DPF3: variants seen among roughly 807,000 people sequenced by gnomAD.
DPF3 encodes the protein zinc finger protein DPF3.
DPF3 carries 18 observed loss-of-function variants against 56.8 expected under a neutral mutation model. The observed-to-expected ratio is 0.32, with a 90% confidence interval of 0.22 to 0.47. The LOEUF (loss-of-function observed/expected upper bound fraction) is 0.47, where lower values mean the gene tolerates loss of function less well. Among genes scored for constraint, DPF3 ranks in the 20% least tolerant of loss-of-function variants. The pLI, the probability that DPF3 is intolerant of heterozygous loss-of-function variation, is 1.00. For synonymous variants in DPF3, 188 were observed against 180.2 expected (o/e 1.04, Z -0.35); for missense variants, 403 against 488.8 (o/e 0.82, Z 1.65).
At chr14:72,832,269 G>C (rs1007215791) in intron 1 of DPF3, among the ~76,000 whole-genome samples, 25 of 151,896 alleles carry the variant, frequency 1.6e-4, no homozygotes, top group Non-Finnish European at 1.2e-4. Flanking sequence ...GAAAGATAAA[G>C]CACTAACTAG....
At chr14:72,890,939 G>T (rs1008077784) in intron 1 of DPF3, among the ~76,000 whole-genome samples, 2 of 152,150 alleles carry the variant, frequency 1.3e-5, no homozygotes, top group Admixed American at 1.3e-4. Context: ...AGAGAGGAAG[G>T]GGGTGAAGGG....
chr14:72,711,997 A>C (rs578159019), intron 6 of DPF3, among the ~76,000 whole-genome samples: 1 of 152,250 alleles, frequency 6.6e-6, no homozygotes, highest in East Asian at 1.9e-4. Flanking sequence ...GAAGGGCACC[A>C]GATAAAAATA....
chr14:72,740,277 G>A (rs1045147431), intron 3 of DPF3, among the ~76,000 whole-genome samples: 3 of 152,340 alleles, frequency 2.0e-5, no homozygotes, highest in Middle Eastern at 6.8e-3. Context: ...CAAGCCGCTG[G>A]AGGTGTTGAG....
chr14:72,778,255 G>A (rs1367639538), intron 1 of DPF3, among the ~76,000 whole-genome samples: 1 of 152,198 alleles, frequency 6.6e-6, no homozygotes, highest in East Asian at 1.9e-4. Context: ...CACAGCAGGA[G>A]GTGAGCTGTG....
At chr14:72,831,618 T>A (rs764363857) in intron 1 of DPF3, among the ~76,000 whole-genome samples, 1 of 152,180 alleles carries the variant, frequency 6.6e-6, no homozygotes, top group African/African-American at 2.4e-5. Flanking sequence ...TTGTTCAGGA[T>A]CATCCAAGTA....
chr14:72,885,800 C>T (rs538725018), intron 1 of DPF3, among the ~76,000 whole-genome samples: 1 of 152,238 alleles, frequency 6.6e-6, no homozygotes, highest in African/African-American at 2.4e-5. Flanking sequence ...TGAAACAACC[C>T]AAATGCCCAT....
At position 72,723,625 on chromosome 14, in the gene DPF3, C is replaced by G; in HGVS notation, c.525+8G>C. On this transcript the variant is annotated splice_region_variant and intron_variant, in intron 5 of 10. Coordinates refer to ENST00000556509, the MANE Select transcript of DPF3 (RefSeq NM_001280542.3). ...TCTCTTTCCTCGCTCATGTCATCCC[C>G]AACTTACCCGTCCTCTAGTCCTGTT... The G allele has an allele frequency of 6.4e-7, 1 of 1,561,434 alleles. No individual in the cohort carries two copies. The highest frequency in any genetic ancestry group is 1.2e-5 in the South Asian group (1 of 81,218).
intron 1 of DPF3, among the ~76,000 whole-genome samples, chr14:72,808,598 G>A (rs530201660): frequency 3.3e-5 from 5 of 152,222 alleles, no homozygotes; most frequent in East Asian, 3.9e-4. Context: ...AAAATAGTTC[G>A]CCATTTACTC....
intron 7 of DPF3, among the ~76,000 whole-genome samples, chr14:72,684,716 C>T (rs922569165): frequency 2.0e-5 from 3 of 152,000 alleles, no homozygotes; most frequent in Non-Finnish European, 2.9e-5. Flanking sequence ...CCCAAACAGC[C>T]TAAGTTAGTA....
chr14:72,868,756 C>T (rs1002669643), intron 1 of DPF3, among the ~76,000 whole-genome samples: 3 of 152,166 alleles, frequency 2.0e-5, no homozygotes, highest in African/African-American at 7.2e-5. Flanking sequence ...GGGAAAGCAC[C>T]ATCATCAAAG....
Position 72,693,141 on chromosome 14 carries a change from T to A in DPF3, c.677A>T (p.Glu226Val), listed in dbSNP as rs1318429711. The change falls in exon 7 of 11, where the codon GAG becomes GTG. Residue 226 changes from glutamate (E) to valine (V), a missense_variant. Physicochemically the swap from Glu to Val is moderately radical, Grantham distance 121 (BLOSUM62 -2). Coordinates refer to ENST00000556509, the MANE Select transcript of DPF3 (RefSeq NM_001280542.3). ...HYAHTHLASE[E>V]GDEAQDQETR... ...CTCCTGGTCTTGAGCTTCATCCCCC[T>A]CCTCGCTGGCCAGGTGAGTGTGAGC... The A allele has an allele frequency of 6.2e-7, 1 of 1,613,930 alleles. No individual in the cohort carries two copies. Among genetic ancestry groups the A allele is most frequent in the East Asian group, 2.2e-5 (1 of 44,884 alleles).
chr14:72,742,698 T>C (rs1890175882), intron 3 of DPF3: 1 of 152,210 alleles, frequency 6.6e-6, no homozygotes, highest in South Asian at 2.1e-4. Flanking sequence ...AGAGAGCAAA[T>C]GGTGGAGAAG....
intron 1 of DPF3, among the ~76,000 whole-genome samples, chr14:72,799,589 A>C (rs1157299015): frequency 6.6e-6 from 1 of 152,102 alleles, no homozygotes; most frequent in Non-Finnish European, 1.5e-5. Flanking sequence ...CCAGTGAGCC[A>C]CGATTGCACC....
intron 1 of DPF3, among the ~76,000 whole-genome samples, chr14:72,792,968 G>A (rs998452162): frequency 1.3e-5 from 2 of 151,856 alleles, no homozygotes; most frequent in Non-Finnish European, 2.9e-5. Context: ...AGAACTGGGT[G>A]TTATCTTAAA....
intron 1 of DPF3, among the ~76,000 whole-genome samples, chr14:72,811,509 T>C (rs1883043957): frequency 1.3e-5 from 2 of 152,144 alleles, no homozygotes; most frequent in South Asian, 4.1e-4. Context: ...CAGACTATGA[T>C]AAAATAAATT....
At position 72,616,915 on chromosome 14, in the gene DPF3, T is replaced by C. The variant is rs1375459819; in HGVS notation, c.*2382A>G. ...CCACAAGCTGGCTTGCTATCCCCGCTTTCCAGATGGGGAAACTGAGGCCTC... is the reference window on the plus strand; with the variant it reads ...CCACAAGCTGGCTTGCTATCCCCGCCTTCCAGATGGGGAAACTGAGGCCTC... On this transcript the variant is annotated 3_prime_UTR_variant, in exon 11 of 11. Coordinates refer to ENST00000556509, the MANE Select transcript of DPF3 (RefSeq NM_001280542.3). Among the ~76,000 whole-genome samples the C allele has an allele frequency of 6.6e-6, 1 of 152,168 alleles. No homozygotes were observed. The highest frequency in any genetic ancestry group is 6.5e-5 in the Admixed American group (1 of 15,278).
intron 7 of DPF3, among the ~76,000 whole-genome samples, chr14:72,676,276 A>G (rs1000264526): frequency 2.0e-5 from 3 of 152,208 alleles, no homozygotes; most frequent in African/African-American, 7.2e-5. Context: ...GAAGGCAATC[A>G]GAGAATCCCA....
At chr14:72,672,060 GACACAC>G (rs369762823) in intron 8 of DPF3, among the ~76,000 whole-genome samples, 7,479 of 132,678 alleles carry the variant, frequency 0.056, 200 homozygotes, top group Non-Finnish European at 0.061. Context: ...CACACACACA[GACACAC>G]ACACACACAC....
At chr14:72,752,791 C>A (rs1264264345) in intron 3 of DPF3, among the ~76,000 whole-genome samples, 1 of 152,182 alleles carries the variant, frequency 6.6e-6, no homozygotes, top group African/African-American at 2.4e-5. Context: ...AAGGTAAGTG[C>A]AATTTTTAGT....
Sources: gnomAD v4.1 joint callset for allele counts (sites outside exome capture counted in the v4.1 genomes callset) on GRCh38, gnomAD v4.1.1 for gene constraint, MANE v1.5 for transcripts, NCBI Gene and HGNC (gene_info 2026-07-23, HGNC 2026-07-21) for gene names.